DIP2C: variants seen among roughly 807,000 people sequenced by gnomAD.
DIP2C encodes disco-interacting protein 2 homolog C.
In DIP2C, 33 loss-of-function variants were observed where a neutral mutation model predicts 192.4. The ratio of observed to expected loss-of-function variants is 0.17; its 90% CI spans 0.13 to 0.23. The LOEUF is 0.23. Among genes scored for constraint, DIP2C ranks in the 10% least tolerant of loss-of-function variants. The pLI is 1.00. For synonymous variants in DIP2C, 979 were observed against 864.1 expected, an observed-to-expected ratio of 1.13 and a Z score of -2.33; for missense variants, 1,537 against 2,110.1, an observed-to-expected ratio of 0.73 and a Z score of 5.32.
intron 32 of DIP2C, among the ~76,000 whole-genome samples, chr10:305,642 A>C (rs1956281746): frequency 6.6e-6 from 1 of 152,206 alleles, no homozygotes; most frequent in Non-Finnish European, 1.5e-5. Flanking sequence ...AAAAATTGCT[A>C]AAACTGTTCC....
intron 1 of DIP2C, among the ~76,000 whole-genome samples, chr10:638,072 G>C (rs1451646082): frequency 1.3e-5 from 2 of 152,188 alleles, no homozygotes; most frequent in African/African-American, 4.8e-5. Flanking sequence ...CACAGCCCCG[G>C]CCAGGTGTGT....
chr10:605,497 ACTGTT>A (rs1457548444), intron 1 of DIP2C, among the ~76,000 whole-genome samples: 1 of 152,176 alleles, frequency 6.6e-6, no homozygotes, highest in Non-Finnish European at 1.5e-5. Context: ...CACCACATAA[ACTGTT>A]ACTCACACAA....
intron 8 of DIP2C, among the ~76,000 whole-genome samples, chr10:411,044 C>T (rs752275650): frequency 3.6e-4 from 55 of 152,122 alleles, no homozygotes; most frequent in Non-Finnish European, 6.3e-4. Context: ...AAGGGCTGAA[C>T]CGGAGCAAGC....
At chr10:523,905 G>A (rs567028185) in intron 1 of DIP2C, among the ~76,000 whole-genome samples, 3 of 152,272 alleles carry the variant, frequency 2.0e-5, no homozygotes, top group Admixed American at 1.3e-4. Flanking sequence ...CTAAAAATTC[G>A]CAGCCCAGGA....
chr10:392,802 T>C (rs1564653951), intron 10 of DIP2C, among the ~76,000 whole-genome samples: 1 of 149,118 alleles, frequency 6.7e-6, no homozygotes. Flanking sequence ...CACACGCGGA[T>C]GCGCACACTC....
At chr10:457,405 T>G (rs1431445170) in intron 3 of DIP2C, among the ~76,000 whole-genome samples, 1 of 152,226 alleles carries the variant, frequency 6.6e-6, no homozygotes, top group Non-Finnish European at 1.5e-5. Flanking sequence ...TTCATCATTT[T>G]TCACCTGAAA....
chr10:585,720 G>A (rs1483445514), intron 1 of DIP2C, among the ~76,000 whole-genome samples: 2 of 152,036 alleles, frequency 1.3e-5, no homozygotes, highest in Non-Finnish European at 2.9e-5. Flanking sequence ...TGCCACAAAC[G>A]CCGCTGCAAG....
At position 680,808 on chromosome 10, in the gene DIP2C, G is replaced by A. The variant is rs148051344; in HGVS notation, c.85+8686C>T. Among the ~76,000 whole-genome samples the A allele has an allele frequency of 2.0e-5, 3 of 152,380 alleles. No individual in the cohort carries two copies. The East Asian group carries it at 5.8e-4, about 29-fold the overall frequency. On this transcript the variant is annotated intron_variant, in intron 1 of 36. Coordinates refer to ENST00000280886, the MANE Select transcript of DIP2C (RefSeq NM_014974.3). ...GAACTGCCGCTCTGTGTCAGGCGAG[G>A]GAGTAATAGAGACAATGGCACCAAC...
At chr10:392,231 G>A (rs1330380409) in intron 10 of DIP2C, among the ~76,000 whole-genome samples, 1 of 152,216 alleles carries the variant, frequency 6.6e-6, no homozygotes, top group Non-Finnish European at 1.5e-5. Context: ...ATCAGCTTCT[G>A]CAGCAGGAAG....
At chr10:389,264 G>A (rs566618018) in intron 13 of DIP2C, among the ~76,000 whole-genome samples, 3 of 152,266 alleles carry the variant, frequency 2.0e-5, no homozygotes, top group African/African-American at 7.2e-5. Context: ...GAACATCTCA[G>A]GAGGTTTCAG....
chr10:281,586 T>A (rs977437298), intron 35 of DIP2C, among the ~76,000 whole-genome samples: 1 of 152,192 alleles, frequency 6.6e-6, no homozygotes, highest in Non-Finnish European at 1.5e-5. Context: ...CTTTCCTGGC[T>A]CAGCTTCGAT....
At chr10:311,550 G>T (rs906767428) in intron 31 of DIP2C, 9 of 1,232,322 alleles carry the variant, frequency 7.3e-6, no homozygotes, top group Non-Finnish European at 9.1e-6. Flanking sequence ...CTCGGCCAGG[G>T]TCCACAGCCT....
intron 31 of DIP2C, among the ~76,000 whole-genome samples, chr10:325,835 TATA>T (rs1957246859): frequency 1.3e-5 from 2 of 152,026 alleles, no homozygotes; most frequent in Non-Finnish European, 2.9e-5. Flanking sequence ...ATGGAGCTAT[TATA>T]ATAATTAAAA....
At position 636,394 on chromosome 10, in the gene DIP2C, T is replaced by G. The variant is rs1854843462; in HGVS notation, c.85+53100A>C. Among the ~76,000 whole-genome samples, 1 of 152,128 alleles carries G rather than the reference T, an allele frequency of 6.6e-6. No homozygotes were observed. The highest frequency in any genetic ancestry group is 2.1e-4 in the South Asian group (1 of 4,828). On this transcript the variant is annotated intron_variant, in intron 1 of 36. Coordinates refer to ENST00000280886, the MANE Select transcript of DIP2C (RefSeq NM_014974.3). This position sits in a 1 kb window ranked among gnomAD's most constrained non-coding sequence, Gnocchi z 4.6. ...ACGTGGAGTTCCGACAACTAACATTTCGGTAGATTTGCTTTCTCACTCTCT... is the reference window on the plus strand; with the variant it reads ...ACGTGGAGTTCCGACAACTAACATTGCGGTAGATTTGCTTTCTCACTCTCT...
At chr10:307,105 A>T (rs1162781860) in intron 32 of DIP2C, among the ~76,000 whole-genome samples, 1 of 152,130 alleles carries the variant, frequency 6.6e-6, no homozygotes, top group Non-Finnish European at 1.5e-5. Flanking sequence ...CTCCACCATG[A>T]GTGAAGCTCC....
chr10:648,280 C>T (rs990771437), intron 1 of DIP2C, among the ~76,000 whole-genome samples: 1 of 150,452 alleles, frequency 6.6e-6, no homozygotes, highest in African/African-American at 2.5e-5. Flanking sequence ...GAAACTGAGT[C>T]CACATCCACA....
chr10:344,384 G>T (rs1209429723), intron 28 of DIP2C, among the ~76,000 whole-genome samples: 1 of 129,026 alleles, frequency 7.8e-6, no homozygotes, highest in Admixed American at 8.1e-5. Flanking sequence ...CCCCAAGGGT[G>T]GGGCGGGGGC....
intron 1 of DIP2C, among the ~76,000 whole-genome samples, chr10:516,856 G>T (rs11252902): frequency 1.0e-4 from 5 of 49,032 alleles, no homozygotes; most frequent in African/African-American, 1.2e-4. Context: ...GGATGGGGGA[G>T]GGGGATGCGC....
At chr10:649,166 G>T (rs1397379735) in intron 1 of DIP2C, among the ~76,000 whole-genome samples, 1 of 150,270 alleles carries the variant, frequency 6.7e-6, no homozygotes, top group Non-Finnish European at 1.5e-5. Context: ...GGCGAGAACA[G>T]AGGGAAACTG....
Sources: gnomAD v4.1 joint callset for allele counts (sites outside exome capture counted in the v4.1 genomes callset) on GRCh38, gnomAD v4.1.1 for gene constraint, Gnocchi (gnomAD v3.1) non-coding constraint, MANE v1.5 for transcripts, NCBI Gene and HGNC (gene_info 2026-07-23, HGNC 2026-07-21) for gene names.